SPATS2L: variants seen among roughly 807,000 people sequenced by gnomAD.
SPATS2L encodes the protein SPATS2-like protein.
Under a neutral mutation model 59.6 loss-of-function variants are expected in SPATS2L, and 30 were observed. That is an observed-to-expected ratio of 0.50 (90% confidence interval 0.38 to 0.68). The LOEUF is 0.68. Ranked by LOEUF, SPATS2L falls within the 30% of genes least tolerant of loss-of-function variation. The pLI, the probability that SPATS2L is intolerant of heterozygous loss-of-function variation, is 0.00. For synonymous variants in SPATS2L, 252 were observed against 263.5 expected, an observed-to-expected ratio of 0.96 and a Z score of 0.42; for missense variants, 615 against 700.0, an observed-to-expected ratio of 0.88 and a Z score of 1.37.
At chr2:200,449,323 G>A (rs1476820153) in intron 8 of SPATS2L, among the ~76,000 whole-genome samples, 2 of 152,214 alleles carry the variant, frequency 1.3e-5, no homozygotes, top group East Asian at 1.9e-4. Context: ...CAGGAAACCA[G>A]CATAAATAGC....
At chr2:200,335,399 A>G (rs1332063622) in intron 2 of SPATS2L, among the ~76,000 whole-genome samples, 1 of 151,962 alleles carries the variant, frequency 6.6e-6, no homozygotes, top group East Asian at 1.9e-4. Flanking sequence ...GAAAGAAAAA[A>G]AAAAGAAGAT....
chr2:200,354,921 C>A (rs1325862602), intron 2 of SPATS2L, among the ~76,000 whole-genome samples: 2 of 152,136 alleles, frequency 1.3e-5, no homozygotes, highest in Non-Finnish European at 2.9e-5. Context: ...CCTTTGACAT[C>A]TTGCCAGGGT....
At chr2:200,452,308 A>G (rs2085514786) in intron 8 of SPATS2L, among the ~76,000 whole-genome samples, 2 of 152,240 alleles carry the variant, frequency 1.3e-5, no homozygotes, top group Admixed American at 1.3e-4. Context: ...TGAACATTTA[A>G]TGTTGTGGGA....
At chr2:200,327,857 C>T (rs1344805341) in intron 1 of SPATS2L, among the ~76,000 whole-genome samples, 7 of 119,330 alleles carry the variant, frequency 5.9e-5, no homozygotes, top group Non-Finnish European at 1.1e-4. Context: ...CAGGCGTGTG[C>T]GGGCACACAC....
chr2:200,447,104 CTT>C (rs1382693684), intron 8 of SPATS2L, among the ~76,000 whole-genome samples: 2 of 152,186 alleles, frequency 1.3e-5, no homozygotes, highest in Non-Finnish European at 2.9e-5. Context: ...CTACCTGAGT[CTT>C]TTTCTCATTT....
At chr2:200,469,149 G>T (rs958333595) in intron 10 of SPATS2L, among the ~76,000 whole-genome samples, 3 of 152,166 alleles carry the variant, frequency 2.0e-5, no homozygotes, top group Non-Finnish European at 4.4e-5. Flanking sequence ...CCAGTGCCTC[G>T]TAAGTGTTCA....
intron 4 of SPATS2L, 48 bp from the exon 5 acceptor site, chr2:200,416,331 G>T (rs2083058061): frequency 2.0e-6 from 2 of 1,003,152 alleles, no homozygotes; most frequent in Non-Finnish European, 2.8e-6. Context: ...ATTTTGTGTG[G>T]TGTTTTATGA....
chr2:200,396,931 T>G (rs1210677658), intron 3 of SPATS2L, among the ~76,000 whole-genome samples: 1 of 152,244 alleles, frequency 6.6e-6, no homozygotes, highest in East Asian at 1.9e-4. Context: ...TTGACAATAG[T>G]TGTTGCCTAA....
At chr2:200,414,751 GT>G (rs924071145) in intron 4 of SPATS2L, among the ~76,000 whole-genome samples, 1 of 152,146 alleles carries the variant, frequency 6.6e-6, no homozygotes, top group African/African-American at 2.4e-5. Flanking sequence ...ACTCCAAGCC[GT>G]TTCAGTATAA....
chr2:200,442,939 T>C (rs142033615), intron 8 of SPATS2L, among the ~76,000 whole-genome samples: 100 of 152,340 alleles, frequency 6.6e-4, no homozygotes, highest in African/African-American at 2.2e-3. Flanking sequence ...AAAAGCCACC[T>C]ACTTAACAAA....
At chr2:200,311,248 G>A (rs1010795854) in intron 1 of SPATS2L, among the ~76,000 whole-genome samples, 2 of 152,310 alleles carry the variant, frequency 1.3e-5, no homozygotes, top group South Asian at 4.1e-4. Context: ...AAAAGGGACA[G>A]GCATTTGAAG....
intron 2 of SPATS2L, among the ~76,000 whole-genome samples, chr2:200,364,995 G>A (rs566934197): frequency 2.0e-4 from 30 of 152,140 alleles, no homozygotes; most frequent in Non-Finnish European, 3.2e-4. Flanking sequence ...GAGAATCTTC[G>A]CAATCTGACA....
At chr2:200,435,622 A>T (rs527396321) in intron 6 of SPATS2L, among the ~76,000 whole-genome samples, 22 of 152,322 alleles carry the variant, frequency 1.4e-4, no homozygotes, top group East Asian at 1.2e-3. Flanking sequence ...TACAGTAATG[A>T]TGAACAAGAC....
chr2:200,420,420 G>A (rs2083261514), intron 6 of SPATS2L, among the ~76,000 whole-genome samples: 2 of 150,682 alleles, frequency 1.3e-5, no homozygotes, highest in African/African-American at 2.5e-5. Context: ...CACTTATAAT[G>A]AATCACTTTG....
In SPATS2L at chr2:200,419,411, T is replaced by C; in HGVS notation, c.360T>C (p.Ser120=). 1.2e-6 allele frequency: 2 copies of C among 1,613,752 alleles called. No individual in the cohort carries two copies. Among genetic ancestry groups the C allele is most frequent in the South Asian group, 1.1e-5 (1 of 91,028 alleles). ...GCEKDSSSTD[S]ANEKPALIPR... ...AGAAGGACAGCTCGTCCACAGATTC[T>C]GCTAACGAAAAACCAGCCCTTATCC... The change falls in exon 6 of 13, where the codon TCT becomes TCC. Residue 120 remains serine (S), a synonymous_variant. Transcript: ENST00000409140.
chr2:200,389,483 T>G (rs770410488), intron 3 of SPATS2L, 200 bp downstream of exon 3: 2 of 487,442 alleles, frequency 4.1e-6, no homozygotes, highest in Admixed American at 3.8e-5. Context: ...TGACACTCAT[T>G]TTTTCATTTA....
In SPATS2L at chr2:200,329,411, C is replaced by A. The variant is rs752032164; in HGVS notation, c.-72-20C>A. The stretch of plus-strand genomic sequence containing the variant: ...CTAATTTGAGACCTGCCTGACTTCC[C>A]AAATTTCCATTTTTCCTAGAGCTCT... On this transcript the variant is annotated intron_variant, in intron 1 of 12. Coordinates refer to ENST00000409140, the MANE Select transcript of SPATS2L (RefSeq NM_001100423.2). 6.5e-7 allele frequency: 1 copy of A among 1,550,030 alleles called. No homozygotes were observed. The highest frequency in any genetic ancestry group is 1.2e-5 in the South Asian group (1 of 84,032).
At chr2:200,327,911 A>G (rs1479752917) in intron 1 of SPATS2L, among the ~76,000 whole-genome samples, 1 of 152,196 alleles carries the variant, frequency 6.6e-6, no homozygotes, top group African/African-American at 2.4e-5. Flanking sequence ...TTCTGTCAAA[A>G]TAGCCATTGG....
intron 7 of SPATS2L, 113 bp downstream of exon 7, chr2:200,439,441 A>C (rs2084535853): frequency 1.1e-6 from 1 of 870,158 alleles, no homozygotes; most frequent in African/African-American, 1.7e-5. Context: ...ATGCACATGA[A>C]ATTGCATTTT....
Sources: allele counts gnomAD v4.1 joint callset (sites outside exome capture counted in the v4.1 genomes callset), GRCh38; gene constraint gnomAD v4.1.1; transcripts MANE v1.5; gene names NCBI Gene and HGNC (gene_info 2026-07-23, HGNC 2026-07-21).